QKI: variants seen among roughly 807,000 people sequenced by gnomAD.
QKI encodes the protein QKI, KH domain containing RNA binding, also known as KH domain-containing RNA-binding protein QKI.
QKI carries 10 observed loss-of-function variants against 39.0 expected under a neutral mutation model. The observed-to-expected ratio is 0.26, with a 90% confidence interval of 0.16 to 0.43. The LOEUF (loss-of-function observed/expected upper bound fraction) is 0.43. Among genes scored for constraint, QKI ranks in the 20% least tolerant of loss-of-function variants. The pLI is 1.00. For missense variants in QKI, 218 were observed against 428.0 expected (o/e 0.51, Z 4.33); for synonymous variants, 204 against 155.4 (o/e 1.31, Z -2.33).
At chr6:163,521,512 T>G (rs1780154811) in intron 3 of QKI, among the ~76,000 whole-genome samples, 1 of 152,138 alleles carries the variant, frequency 6.6e-6, no homozygotes, top group Admixed American at 6.6e-5. Flanking sequence ...ACAAATAATT[T>G]GGGGCAGGCA....
At chr6:163,485,617 G>A (rs1459112449) in intron 3 of QKI, among the ~76,000 whole-genome samples, 2 of 152,098 alleles carry the variant, frequency 1.3e-5, no homozygotes, top group African/African-American at 2.4e-5. Context: ...CATGCTTGTG[G>A]GTTCCTCCTT....
intron 3 of QKI, among the ~76,000 whole-genome samples, chr6:163,480,018 G>A (rs970771672): frequency 3.3e-5 from 5 of 151,922 alleles, no homozygotes; most frequent in Admixed American, 2.0e-4. Flanking sequence ...GTTTCTGTGG[G>A]TTTTTTTCTC....
intron 4 of QKI, among the ~76,000 whole-genome samples, chr6:163,560,604 G>C (rs1265534921): frequency 6.6e-6 from 1 of 152,136 alleles, no homozygotes; most frequent in Non-Finnish European, 1.5e-5. Context: ...AGAGCAATCT[G>C]GTTTGACTTA....
At chr6:163,503,782 C>G (rs1280866401) in intron 3 of QKI, among the ~76,000 whole-genome samples, 1 of 151,996 alleles carries the variant, frequency 6.6e-6, no homozygotes, top group Admixed American at 6.6e-5. Context: ...CTCTGTCACT[C>G]AGGCTGGAGT....
intron 6 of QKI, chr6:163,564,128 T>C (rs1034177228): frequency 9.7e-7 from 1 of 1,033,396 alleles, no homozygotes; most frequent in East Asian, 8.5e-5. Flanking sequence ...TTTAAACTTC[T>C]AAGTGAAAGT....
chr6:163,508,523 TCTTTC>T (rs1562497607), intron 3 of QKI, among the ~76,000 whole-genome samples: 4 of 10,676 alleles, frequency 3.7e-4, no homozygotes, highest in Admixed American at 1.3e-3. Context: ...TTTCTTTCTT[TCTTTC>T]TTTCTTTTTT....
At chr6:163,419,327 A>G (rs1787799793) in intron 1 of QKI, among the ~76,000 whole-genome samples, 1 of 151,434 alleles carries the variant, frequency 6.6e-6, no homozygotes, top group Non-Finnish European at 1.5e-5. Flanking sequence ...CTGAGAATTC[A>G]TTTACAAAAG....
intron 4 of QKI, among the ~76,000 whole-genome samples, chr6:163,555,088 TG>T (rs1480565452): frequency 5.9e-5 from 9 of 152,230 alleles, no homozygotes; most frequent in African/African-American, 1.7e-4. Flanking sequence ...CTCTGATATT[TG>T]TTATTCTTCA....
At chr6:163,432,719 G>A (rs1284081337) in intron 1 of QKI, among the ~76,000 whole-genome samples, 1 of 150,602 alleles carries the variant, frequency 6.6e-6, no homozygotes, top group African/African-American at 2.4e-5. Flanking sequence ...CTTTGTTATA[G>A]ATCTGAGTCA....
chr6:163,420,787 A>G (rs1235980775), intron 1 of QKI, among the ~76,000 whole-genome samples: 2 of 152,214 alleles, frequency 1.3e-5, no homozygotes, highest in Non-Finnish European at 2.9e-5. Context: ...AATCACAACT[A>G]ACAATAAACT....
chr6:163,444,696 G>A (rs879756989), intron 1 of QKI, among the ~76,000 whole-genome samples: 4 of 152,058 alleles, frequency 2.6e-5, no homozygotes, highest in Non-Finnish European at 4.4e-5. Flanking sequence ...ATATATTTTG[G>A]ATGATTAGTA....
intron 7 of QKI, chr6:163,568,859 G>A: frequency 4.1e-6 from 4 of 985,758 alleles, no homozygotes; most frequent in Non-Finnish European, 4.8e-6. Context: ...TAGTTGTAAT[G>A]AACTGTATGG....
At chr6:163,518,662 G>C (rs1345544001) in intron 3 of QKI, among the ~76,000 whole-genome samples, 1 of 152,152 alleles carries the variant, frequency 6.6e-6, no homozygotes, top group East Asian at 1.9e-4. Flanking sequence ...ATGAGCAAGA[G>C]ATACAAATTT....
At chr6:163,440,314 C>G (rs963038103) in intron 1 of QKI, among the ~76,000 whole-genome samples, 2 of 152,174 alleles carry the variant, frequency 1.3e-5, no homozygotes, top group Admixed American at 6.5e-5. Flanking sequence ...AGATTTTCAT[C>G]TTTATGTGGT....
intron 3 of QKI, among the ~76,000 whole-genome samples, chr6:163,532,794 ACT>A (rs1280209673): frequency 2.0e-5 from 3 of 151,532 alleles, no homozygotes; most frequent in African/African-American, 7.3e-5. Context: ...CTCTCCCAGG[ACT>A]CTCTGAGCTT....
chr6:163,452,600 T>C (rs920327384), intron 1 of QKI, among the ~76,000 whole-genome samples: 1 of 152,190 alleles, frequency 6.6e-6, no homozygotes, highest in Non-Finnish European at 1.5e-5. Flanking sequence ...CAGAATCTCA[T>C]GGAATTTTGT....
At chr6:163,424,457 T>C (rs1362379553) in intron 1 of QKI, among the ~76,000 whole-genome samples, 1 of 152,144 alleles carries the variant, frequency 6.6e-6, no homozygotes, top group African/African-American at 2.4e-5. Context: ...TAATCATGAC[T>C]CCGCAATTAA....
rs767422826 is a variant in QKI, at chr6:163,472,228, GAGA to G, written c.286-6547_286-6545del. Among the ~76,000 whole-genome samples the G allele has an allele frequency of 1.9e-4, 29 of 152,250 alleles. No homozygotes were observed. In the East Asian group the frequency reaches 1.9e-3, roughly 10 times the overall value. Reference sequence around the variant, plus strand: ...TATTCTTACAATAAAATAAGCCATTGAGAAGAAAATGTTTTAAAGAAATCATAA... The same window carrying G: ...TATTCTTACAATAAAATAAGCCATTGAGAAAATGTTTTAAAGAAATCATAA... On this transcript the variant is annotated intron_variant, in intron 2 of 7. Coordinates refer to ENST00000361752, the MANE Select transcript of QKI (RefSeq NM_006775.3).
chr6:163,514,320 G>C (rs1779662519), intron 3 of QKI, among the ~76,000 whole-genome samples: 1 of 152,058 alleles, frequency 6.6e-6, no homozygotes, highest in African/African-American at 2.4e-5. Context: ...AAAAATCATG[G>C]AAAATGCAAC....
Sources: gnomAD v4.1 joint callset for allele counts (sites outside exome capture counted in the v4.1 genomes callset) on GRCh38, gnomAD v4.1.1 for gene constraint, MANE v1.5 for transcripts, NCBI Gene and HGNC (gene_info 2026-07-23, HGNC 2026-07-21) for gene names.